The following OTUD7A variants were observed in gnomAD, a reference collection of about 807,000 sequenced individuals.
OTUD7A encodes the protein OTU deubiquitinase 7A.
Under a neutral mutation model 65.7 loss-of-function variants are expected in OTUD7A, and 12 were observed. The ratio of observed to expected loss-of-function variants is 0.18; its 90% CI spans 0.12 to 0.30. The LOEUF (loss-of-function observed/expected upper bound fraction) is 0.30, where lower values mean the gene tolerates loss of function less well. Among genes scored for constraint, OTUD7A ranks in the 10% least tolerant of loss-of-function variants. OTUD7A has a pLI of 1.00. For synonymous variants in OTUD7A, 641 were observed against 586.3 expected (o/e 1.09, Z -1.35); for missense variants, 1,148 against 1,304.8 (o/e 0.88, Z 1.85).
intron 3 of OTUD7A, among the ~76,000 whole-genome samples, chr15:31,627,070 G>A (rs1424347483): frequency 2.0e-5 from 3 of 151,898 alleles, no homozygotes; most frequent in Non-Finnish European, 4.4e-5. Flanking sequence ...CTGAAGGTTA[G>A]GGTGGCTATG....
At chr15:31,562,739 C>T (rs566409714) in intron 4 of OTUD7A, among the ~76,000 whole-genome samples, 1 of 152,250 alleles carries the variant, frequency 6.6e-6, no homozygotes, top group Admixed American at 6.5e-5. Context: ...ATATTTTAGG[C>T]TTTGTGGGCC....
intron 1 of OTUD7A, among the ~76,000 whole-genome samples, chr15:31,822,585 G>T (rs1378488453): frequency 1.3e-5 from 2 of 152,174 alleles, no homozygotes; most frequent in Non-Finnish European, 2.9e-5. Context: ...GGGCAGAGAA[G>T]AAACATCACA....
At chr15:31,519,383 C>A (rs1327449264) in intron 8 of OTUD7A, among the ~76,000 whole-genome samples, 1 of 152,168 alleles carries the variant, frequency 6.6e-6, no homozygotes, top group Non-Finnish European at 1.5e-5. Flanking sequence ...ATTATCTTTT[C>A]GATGTCCTGT....
chr15:31,664,287 C>CATCAGTGT (rs1892256018), intron 1 of OTUD7A, among the ~76,000 whole-genome samples: 1 of 93,808 alleles, frequency 1.1e-5, no homozygotes, highest in African/African-American at 8.1e-5. Context: ...ACATTCCCAC[C>CATCAGTGT]AGAACATTCC....
intron 1 of OTUD7A, among the ~76,000 whole-genome samples, chr15:31,722,224 T>G (rs956074731): frequency 5.3e-5 from 8 of 152,110 alleles, no homozygotes; most frequent in African/African-American, 1.9e-4. Context: ...TGAGCTCTGA[T>G]TGGTATGGAC....
At chr15:31,632,306 C>T (rs571434901) in intron 3 of OTUD7A, among the ~76,000 whole-genome samples, 3 of 152,332 alleles carry the variant, frequency 2.0e-5, no homozygotes, top group African/African-American at 7.2e-5. Flanking sequence ...TTCCTTCTAA[C>T]AGACAGGACC....
At chr15:31,821,950 T>C (rs1896693834) in intron 1 of OTUD7A, among the ~76,000 whole-genome samples, 7 of 152,236 alleles carry the variant, frequency 4.6e-5, no homozygotes, top group Admixed American at 4.6e-4. Flanking sequence ...TTCTATTCGT[T>C]ATTGAGCTGT....
intron 3 of OTUD7A, among the ~76,000 whole-genome samples, chr15:31,631,599 G>A (rs935022009): frequency 5.3e-5 from 8 of 152,078 alleles, no homozygotes; most frequent in Non-Finnish European, 1.0e-4. Context: ...GTATCTTTGT[G>A]GCGTTCTCTG....
chr15:31,808,112 C>CACAG (rs1044284621), intron 1 of OTUD7A, among the ~76,000 whole-genome samples: 19 of 105,922 alleles, frequency 1.8e-4, no homozygotes, highest in Middle Eastern at 0.01. Flanking sequence ...CACACACACA[C>CACAG]ACACACACAC....
At chr15:31,804,057 A>AT (rs983081646) in intron 1 of OTUD7A, among the ~76,000 whole-genome samples, 18 of 152,244 alleles carry the variant, frequency 1.2e-4, no homozygotes, top group Admixed American at 1.0e-3. Flanking sequence ...AACAAAACAT[A>AT]TTTGGTCTTG....
chr15:31,732,705 G>A (rs751809564), intron 1 of OTUD7A, among the ~76,000 whole-genome samples: 1 of 152,196 alleles, frequency 6.6e-6, no homozygotes, highest in African/African-American at 2.4e-5. Flanking sequence ...TATTAGTGAA[G>A]ACAGATTCAC....
chr15:31,589,944 A>G (rs1047857832), intron 3 of OTUD7A, among the ~76,000 whole-genome samples: 6 of 152,068 alleles, frequency 3.9e-5, no homozygotes, highest in Admixed American at 1.3e-4. Flanking sequence ...TAATTTTGGG[A>G]AAAAAACCTT....
chr15:31,729,092 A>AT (rs1405167121), intron 1 of OTUD7A, among the ~76,000 whole-genome samples: 1 of 152,208 alleles, frequency 6.6e-6, no homozygotes, highest in Non-Finnish European at 1.5e-5. Flanking sequence ...TTATTTCTAA[A>AT]TTATTGTTGT....
intron 1 of OTUD7A, among the ~76,000 whole-genome samples, chr15:31,777,361 A>T (rs1895411644): frequency 6.6e-6 from 1 of 152,206 alleles, no homozygotes; most frequent in Admixed American, 6.5e-5. Flanking sequence ...ATAGTACCCC[A>T]ATGACTTGTA....
At chr15:31,765,946 A>G (rs1301348500) in intron 1 of OTUD7A, 5 of 1,345,850 alleles carry the variant, frequency 3.7e-6, no homozygotes, top group Non-Finnish European at 5.3e-6. Flanking sequence ...ATATTTTCTA[A>G]AAGTTCTGCA....
At chr15:31,626,568 CAGAAAAT>C (rs1890959101) in intron 3 of OTUD7A, among the ~76,000 whole-genome samples, 1 of 152,110 alleles carries the variant, frequency 6.6e-6, no homozygotes, top group African/African-American at 2.4e-5. Context: ...TTCATGGACT[CAGAAAAT>C]CAGAATATAA....
chr15:31,752,472 C>A (rs1365363782), intron 1 of OTUD7A, among the ~76,000 whole-genome samples: 1 of 152,104 alleles, frequency 6.6e-6, no homozygotes, highest in African/African-American at 2.4e-5. Flanking sequence ...AACATGACAT[C>A]AATGAACATT....
chr15:31,798,250 T>C (rs1041308867), intron 1 of OTUD7A, among the ~76,000 whole-genome samples: 1 of 152,122 alleles, frequency 6.6e-6, no homozygotes, highest in Non-Finnish European at 1.5e-5. Flanking sequence ...AATGTGATCT[T>C]CCCCAAAATT....
chr15:31,645,351 G>C lies in OTUD7A; in HGVS notation c.151+9745C>G, dbSNP rs147888385. On this transcript the variant is annotated intron_variant, in intron 3 of 12. Transcript: ENST00000307050. ...ACATTCTGATACTTCATCTTGGCTG[G>C]AAGTGGAAGTTTCCTGGTGCTGTCT... is the stretch of plus-strand genomic sequence containing the variant. 7.8e-4 allele frequency among the ~76,000 whole-genome samples: 119 copies of C among 152,278 alleles called. 1 individual carries two copies. The highest frequency in any genetic ancestry group is 2.8e-3 in the African/African-American group (115 of 41,572).
Sources: allele counts gnomAD v4.1 joint callset (sites outside exome capture counted in the v4.1 genomes callset), GRCh38; gene constraint gnomAD v4.1.1; transcripts MANE v1.5; gene names NCBI Gene and HGNC (gene_info 2026-07-23, HGNC 2026-07-21).